The following SYNE2 variants were observed in gnomAD, a reference collection of about 807,000 sequenced individuals.
SYNE2 encodes spectrin repeat containing nuclear envelope protein 2.
Under a neutral mutation model 856.3 loss-of-function variants are expected in SYNE2, and 431 were observed. The observed-to-expected ratio is 0.50, with a 90% CI of 0.47 to 0.55. The LOEUF (loss-of-function observed/expected upper bound fraction) is 0.55, where lower values mean the gene tolerates loss of function less well. Ranked by LOEUF, SYNE2 falls within the 20% of genes least tolerant of loss-of-function variation. The pLI, the probability that SYNE2 is intolerant of heterozygous loss-of-function variation, is 0.00. For synonymous variants in SYNE2, 2,923 were observed against 2,872.3 expected (o/e 1.02, Z -0.56); for missense variants, 8,129 against 8,023.2 (o/e 1.01, Z -0.50).
chr14:63,860,915 G>C (rs576935819), intron 1 of SYNE2, among the ~76,000 whole-genome samples: 2 of 152,238 alleles, frequency 1.3e-5, no homozygotes, highest in East Asian at 1.9e-4. Flanking sequence ...AGCATGGTCA[G>C]CTGGAGCAGT....
chr14:64,024,124 A>G, intron 38 of SYNE2, 133 bp from the exon 39 acceptor site: 3 of 745,470 alleles, frequency 4.0e-6, no homozygotes, highest in South Asian at 3.0e-5. Context: ...CCACATCTCC[A>G]TCACCCTTCT....
intron 2 of SYNE2, among the ~76,000 whole-genome samples, chr14:63,928,530 A>G (rs78716072): frequency 0.031 from 4,662 of 152,258 alleles, 254 homozygotes; most frequent in African/African-American, 0.11. Context: ...TGTGTTGTAA[A>G]TTATCCCTTG....
chr14:63,998,128 C>T (rs754624846), intron 25 of SYNE2, 91 bp from the exon 26 acceptor site: 2 of 940,512 alleles, frequency 2.1e-6, no homozygotes, highest in Admixed American at 1.8e-5. Flanking sequence ...TATAAAGAAT[C>T]AATGATACAT....
chr14:64,130,311 T>A (rs2098002516), intron 76 of SYNE2, 63 bp downstream of exon 76: 1 of 1,370,804 alleles, frequency 7.3e-7, no homozygotes, highest in Non-Finnish European at 1.0e-6. Context: ...TATTTCTGAA[T>A]GTGAACAGAA....
chr14:64,036,244 C>A (rs1182649948), intron 45 of SYNE2, among the ~76,000 whole-genome samples: 5 of 150,506 alleles, frequency 3.3e-5, no homozygotes, highest in African/African-American at 4.9e-5. Flanking sequence ...ATGTTTTGAA[C>A]TTTCTCCACT....
chr14:63,774,468 C>CAAAAAAA (rs748830808), intron 1 of SYNE2, among the ~76,000 whole-genome samples: 8 of 95,318 alleles, frequency 8.4e-5, no homozygotes, highest in African/African-American at 2.1e-4. Flanking sequence ...GACTCCGTCT[C>CAAAAAAA]AAAAAAAAAA....
In SYNE2 at chr14:63,840,429, TCCTTCCTTCCTTCCTTCCTTCCTC is replaced by T. The variant is rs1254084516; in HGVS notation, c.-304-12068_-304-12045del. 7.7e-3 allele frequency among the ~76,000 whole-genome samples: 750 copies of T among 97,228 alleles called. 7 individuals are homozygous for T. The highest frequency in any genetic ancestry group is 0.011 in the Non-Finnish European group (479 of 42,328). The allele number at this position is 97,228 out of a possible 152,430, so 63.8% of individuals were successfully genotyped here. A position where few individuals can be genotyped will look rare whatever the true frequency, so the allele number is the denominator to read the frequency against. On this transcript the variant is annotated intron_variant, in intron 1 of 23. Coordinates refer to the SYNE2 transcript ENST00000674003. Reference sequence around the variant, plus strand: ...TTCCTTCCTTCCTTCCTTCCTTCCTTCCTTCCTTCCTTCCTTCCTTCCTCCCTCCCTCCCTCCTTCCTTCCTTTT... The same window carrying T: ...TTCCTTCCTTCCTTCCTTCCTTCCTTCCTCCCTCCCTCCTTCCTTCCTTTT...
In SYNE2 at chr14:63,978,956, T is replaced by C. The variant is rs762955781; in HGVS notation, c.1511T>C (p.Ile504Thr). 1.9e-6 allele frequency: 3 copies of C among 1,613,858 alleles called. No individual in the cohort carries two copies. In the South Asian group the frequency reaches 3.3e-5, roughly 18 times the overall value. Residue 504 changes from isoleucine (I) to threonine (T), a missense_variant, in exon 14 of 116, where the codon ATT becomes ACT. This residue lies in a region of SYNE2 where 2,422 missense variants were observed against 2,357.4 expected (regional missense o/e 1.03). Coordinates refer to ENST00000555002, the MANE Select transcript of SYNE2 (RefSeq NM_182914.3). ...LVDEVKSKLD[I>T]WNIKYGSRES... ...GATGAAGTGAAATCAAAATTGGATA[T>C]TTGGAACATTAAATATGGGAGCAGA...
chr14:63,772,392 C>G (rs1213612717), intron 1 of SYNE2, among the ~76,000 whole-genome samples: 1 of 151,420 alleles, frequency 6.6e-6, no homozygotes, highest in Non-Finnish European at 1.5e-5. Context: ...CCTCAGCAAA[C>G]AGTACTTCTT....
chr14:64,140,507 C>T (rs964918818), intron 80 of SYNE2, among the ~76,000 whole-genome samples: 4 of 152,134 alleles, frequency 2.6e-5, no homozygotes, highest in East Asian at 1.9e-4. Flanking sequence ...ACTTGAACCG[C>T]GGTGGGTGGA....
At chr14:63,788,669 G>A (rs779890698) in intron 1 of SYNE2, among the ~76,000 whole-genome samples, 5 of 152,188 alleles carry the variant, frequency 3.3e-5, no homozygotes, top group African/African-American at 1.2e-4. Context: ...TGCCTGTCCC[G>A]GCGTCCCGCT....
chr14:63,800,144 T>C (rs1356699742), intron 1 of SYNE2, among the ~76,000 whole-genome samples: 1 of 152,240 alleles, frequency 6.6e-6, no homozygotes, highest in Admixed American at 6.5e-5. Context: ...CTGTGTTATG[T>C]TTCCATCCTA....
At chr14:64,190,018 A>G in intron 98 of SYNE2, 53 bp from the exon 99 acceptor site, 4 of 1,602,416 alleles carry the variant, frequency 2.5e-6, no homozygotes, top group Non-Finnish European at 3.4e-6. Context: ...TGGCTGGAGA[A>G]GAAATGAGTT....
At chr14:64,049,565 T>C in intron 46 of SYNE2, 46 bp from the exon 47 acceptor site, 1 of 1,596,974 alleles carries the variant, frequency 6.3e-7, no homozygotes, top group Non-Finnish European at 8.6e-7. Flanking sequence ...AATTAATGCA[T>C]AAATAAGTGA....
intron 99 of SYNE2, chr14:64,197,250 G>C (rs1182815049): frequency 6.6e-6 from 1 of 152,276 alleles, no homozygotes; most frequent in Non-Finnish European, 1.5e-5. Context: ...CTCAGCCATC[G>C]GGGGATGGGT....
At chr14:63,926,611 C>G (rs981665307) in intron 2 of SYNE2, among the ~76,000 whole-genome samples, 1 of 152,194 alleles carries the variant, frequency 6.6e-6, no homozygotes, top group African/African-American at 2.4e-5. Flanking sequence ...TCAAATTTGG[C>G]TTGTGGGCAA....
intron 1 of SYNE2, among the ~76,000 whole-genome samples, chr14:63,871,690 C>T (rs1008817583): frequency 5.3e-5 from 8 of 150,160 alleles, no homozygotes; most frequent in Admixed American, 2.7e-4. Context: ...GATGGGGTTT[C>T]GCCATGTTGC....
intron 47 of SYNE2, 83 bp from the exon 48 acceptor site, chr14:64,051,474 A>G (rs2097226007): frequency 1.1e-5 from 14 of 1,301,652 alleles, no homozygotes; most frequent in South Asian, 1.4e-5. Flanking sequence ...AGCAGAATTA[A>G]TTTCTTCTAA....
intron 99 of SYNE2, among the ~76,000 whole-genome samples, chr14:64,193,798 CTTATTTT>C (rs1327119665): frequency 1.3e-5 from 2 of 151,944 alleles, no homozygotes; most frequent in Non-Finnish European, 2.9e-5. Context: ...ACCAACATTG[CTTATTTT>C]TTAAGTGCCA....
Sources: gnomAD v4.1 joint callset for allele counts (sites outside exome capture counted in the v4.1 genomes callset) on GRCh38, gnomAD v4.1.1 for gene constraint, gnomAD v4.1.1 regional missense constraint, MANE v1.5 for transcripts, NCBI Gene and HGNC (gene_info 2026-07-23, HGNC 2026-07-21) for gene names.